Variants in AATK observed in about 807,000 individuals in gnomAD.
AATK encodes the protein lemur tail kinase 1.
In AATK, 91 loss-of-function variants were observed where a neutral mutation model predicts 114.3. That is an observed-to-expected ratio of 0.80 (90% CI 0.67 to 0.95). The LOEUF is 0.95. Among genes scored for constraint, AATK ranks in the 40% least tolerant of loss-of-function variants. AATK has a pLI of 0.00. For missense variants in AATK, 2,176 were observed against 1,965.2 expected (o/e 1.11, Z -2.03); for synonymous variants, 1,075 against 916.5 (o/e 1.17, Z -3.12).
chr17:81,163,621 G>A (rs1351904750), intron 1 of AATK, among the ~76,000 whole-genome samples: 4 of 152,262 alleles, frequency 2.6e-5, no homozygotes, highest in Admixed American at 6.5e-5. Context: ...CAGAGGAGGC[G>A]GCTCTTCCTG....
chr17:81,155,906 T>C (rs570188744), intron 1 of AATK, among the ~76,000 whole-genome samples: 1 of 151,376 alleles, frequency 6.6e-6, no homozygotes, highest in Non-Finnish European at 1.5e-5. Context: ...GGCCTTGAAC[T>C]CCTGGGCTCA....
rs1479445136 is a variant in AATK, at chr17:81,122,601, C to T, written c.1335G>A (p.Ser445=). 9 of 1,431,926 alleles carry T rather than the reference C, an allele frequency of 6.3e-6. No individual in the cohort carries two copies. The East Asian group carries it at 2.3e-4, about 37-fold the overall frequency. 88.7% of individuals were successfully genotyped at this position (1,431,926 alleles called of 1,614,324 possible). A position where few individuals can be genotyped will look rare whatever the true frequency, so the allele number is the denominator to read the frequency against. ...LGGVVELAAA[S]SFPLLEQFAG... ...CGAACTGCTCCAGCAGCGGGAAGGA[C>T]GAGGCAGCGGCGAGCTCCACCACGC... Residue 445 remains serine (S), a synonymous_variant, in exon 11 of 14, where the codon TCG becomes TCA. Coordinates refer to ENST00000326724, the MANE Select transcript of AATK (RefSeq NM_001080395.3).
rs376459772 is a variant in AATK at position 81,117,935 on chromosome 17, CAG to C, written c.*465_*466del. 157 of 155,728 alleles carry C rather than the reference CAG, an allele frequency of 1.0e-3. 1 individual carries two copies. The highest frequency in any genetic ancestry group is 7.2e-3 in the South Asian group (37 of 5,128). The allele number at this position is 155,728 out of a possible 1,614,324, so 9.6% of individuals were successfully genotyped here. A position where few individuals can be genotyped will look rare whatever the true frequency, so the allele number is the denominator to read the frequency against. ...CAGGAACCAGGCAAGGGTGGGGGCA[CAG>C]GGGGTGGGAAGAGGCTCACAAACCT... On this transcript the variant is annotated 3_prime_UTR_variant, in exon 14 of 14. Coordinates refer to ENST00000326724, the MANE Select transcript of AATK (RefSeq NM_001080395.3).
rs562715538 is a variant in AATK at position 81,117,564 on chromosome 17, C to G, written c.*838G>C. On this transcript the variant is annotated 3_prime_UTR_variant, in exon 14 of 14. Transcript: ENST00000326724. Reference sequence around the variant, plus strand: ...CCTCTCCCTGTAGGTAGGAGCCCCCCAACACTGACTGCGGGGCATGGCCCC... The same window carrying G: ...CCTCTCCCTGTAGGTAGGAGCCCCCGAACACTGACTGCGGGGCATGGCCCC... The G allele has an allele frequency of 4.0e-4, 61 of 152,432 alleles. No individual in the cohort carries two copies. Among genetic ancestry groups the G allele is most frequent in the African/African-American group, 1.4e-3 (58 of 41,588 alleles). 9.4% of individuals were successfully genotyped at this position (152,432 alleles called of 1,614,324 possible).
intron 1 of AATK, among the ~76,000 whole-genome samples, chr17:81,148,320 C>T (rs1011529161): frequency 6.6e-6 from 1 of 152,210 alleles, no homozygotes; most frequent in African/African-American, 2.4e-5. Context: ...CTGGGGTCTC[C>T]GTCCACTCTC....
chr17:81,147,191 T>C (rs1403201888), intron 1 of AATK, among the ~76,000 whole-genome samples: 1 of 151,342 alleles, frequency 6.6e-6, no homozygotes, highest in African/African-American at 2.4e-5. Context: ...TGAAACCTTG[T>C]CTCTACTAAA....
intron 4 of AATK, 34 bp from the exon 5 acceptor site, chr17:81,127,944 C>T (rs370191581): frequency 2.2e-5 from 34 of 1,546,310 alleles, no homozygotes; most frequent in African/African-American, 2.2e-4. Flanking sequence ...ACGGCTGCTC[C>T]GCCTCCACCG....
In AATK at chr17:81,124,841, T is replaced by A. The variant is rs1392176107; in HGVS notation, c.848A>T (p.Tyr283Phe). ...CCACAGCTGGTCGGCAGTCACGAAGTAGTCCTCCTGTTGGCACAGGGACGG... is the reference window on the plus strand; with the variant it reads ...CCACAGCTGGTCGGCAGTCACGAAGAAGTCCTCCTGTTGGCACAGGGACGG... The part of the protein sequence containing the change: ...GLAHCKYRED[Y>F]FVTADQLWVP... Residue 283 changes from tyrosine (Y) to phenylalanine (F), a missense_variant, in exon 9 of 14, where the codon TAC becomes TTC. Coordinates refer to ENST00000326724, the MANE Select transcript of AATK (RefSeq NM_001080395.3). The A allele has an allele frequency of 6.2e-7, 1 of 1,609,680 alleles. No homozygotes were observed. Among genetic ancestry groups the A allele is most frequent in the Non-Finnish European group, 8.5e-7 (1 of 1,178,358 alleles).
In AATK at chr17:81,120,535, C is replaced by G. The variant is rs1284261509; in HGVS notation, c.3401G>C (p.Gly1134Ala). 2.0e-6 allele frequency: 3 copies of G among 1,485,046 alleles called. No homozygotes were observed. The African/African-American group carries it at 4.2e-5, about 21-fold the overall frequency. 92.0% of individuals were successfully genotyped at this position (1,485,046 alleles called of 1,614,324 possible). Residue 1134 changes from glycine (G) to alanine (A), a missense_variant, in exon 11 of 14, where the codon GGG (glycine) becomes GCG (alanine). By Grantham distance (60) the Gly-to-Ala change is moderately conservative. Coordinates refer to ENST00000326724, the MANE Select transcript of AATK (RefSeq NM_001080395.3). Reference protein sequence around the residue: ...LSGPAPQKRMGGPGTPRAPLR... With the variant: ...LSGPAPQKRMAGPGTPRAPLR... ...TGGGGCTCTGGGGGTGCCTGGGCCC[C>G]CCATCCGCTTTTGTGGGGCCGGCCC...
rs2060775060 is a variant in AATK, at chr17:81,124,820, A to T, written c.869T>A (p.Leu290Gln). The T allele has an allele frequency of 6.2e-7, 1 of 1,612,216 alleles. No individual in the cohort carries two copies. ...CGCGATCCAGCGCAGAGGCACCCAC[A>T]GCTGGTCGGCAGTCACGAAGTAGTC... ...REDYFVTADQ[L>Q]WVPLRWIAPE... The change falls in exon 9 of 14, where the codon CTG (leucine) becomes CAG (glutamine). Residue 290 changes from leucine (L) to glutamine (Q), a missense_variant. Leu to Gln is a moderately radical substitution (Grantham distance 113, BLOSUM62 -2). This residue lies in a region of AATK where 273 missense variants were observed against 344.1 expected (regional missense o/e 0.79). Coordinates refer to ENST00000326724, the MANE Select transcript of AATK (RefSeq NM_001080395.3).
chr17:81,129,460 G>A (rs564662306), intron 3 of AATK, among the ~76,000 whole-genome samples: 1 of 152,304 alleles, frequency 6.6e-6, no homozygotes, highest in South Asian at 2.1e-4. Context: ...GCAGCAGGCA[G>A]CCGTCCTTCT....
intron 1 of AATK, among the ~76,000 whole-genome samples, chr17:81,149,335 C>T (rs4969407): frequency 0.38 from 58,241 of 151,374 alleles, 11,952 homozygotes; most frequent in South Asian, 0.54. Context: ...CTGGAGTTTC[C>T]CAACCACACA....
intron 1 of AATK, among the ~76,000 whole-genome samples, chr17:81,160,867 G>A (rs1010255345): frequency 5.9e-5 from 9 of 152,192 alleles, no homozygotes; most frequent in Non-Finnish European, 8.8e-5. Flanking sequence ...GCTCACCGCC[G>A]ACACCACATC....
In AATK at chr17:81,127,631, C is replaced by T. The variant is rs1479523875; in HGVS notation, c.573G>A (p.Gln191=). 1 of 1,600,536 alleles carries T rather than the reference C, an allele frequency of 6.2e-7. No homozygotes were observed. The highest frequency in any genetic ancestry group is 1.7e-5 in the Admixed American group (1 of 58,408). ...GCAGGTAGGGCGTCACCTCGGCGCACTGGGCCAGGCACTGGAGCAGGTTGC... is the reference window on the plus strand; with the variant it reads ...GCAGGTAGGGCGTCACCTCGGCGCATTGGGCCAGGCACTGGAGCAGGTTGC... ...KHSNLLQCLA[Q]CAEVTPYLLV... The change falls in exon 6 of 14, where the codon CAG becomes CAA. Residue 191 remains glutamine, a synonymous_variant. Coordinates refer to ENST00000326724, the MANE Select transcript of AATK (RefSeq NM_001080395.3).
Position 81,119,470 on chromosome 17 carries a change from C to CGGGCGTGGGCGCGGGCGT in AATK, c.3993_3994insACGCCCGCGCCCACGCCC (p.Pro1331_Ala1332insThrProAlaProThrPro), listed in dbSNP as rs1555689799. ...GACACCGTGAAGCGCGAGAAGGGAG[C>CGGGCGTGGGCGCGGGCGT]GGGCGTGGGCGTGGGCGCAGCCGGG... is the stretch of plus-strand genomic sequence containing the variant. On this transcript the variant is annotated inframe_insertion, in exon 13 of 14. Transcript: ENST00000326724. 24 of 1,505,602 alleles carry CGGGCGTGGGCGCGGGCGT rather than the reference C, an allele frequency of 1.6e-5. No homozygotes were observed. The highest frequency in any genetic ancestry group is 3.9e-5 in the South Asian group (3 of 76,622). 93.3% of individuals were successfully genotyped at this position (1,505,602 alleles called of 1,614,324 possible).
rs570079140 is a variant in AATK at position 81,149,667 on chromosome 17, G to A, written c.56-15166C>T. ...CCTGGGCTTGGCTCCCATGGCCGTG[G>A]GCTCACAACAGCCCTGGGTGCCTGG... On this transcript the variant is annotated intron_variant, in intron 1 of 13. Transcript: ENST00000326724. Among the ~76,000 whole-genome samples, 9 of 152,186 alleles carry A rather than the reference G, an allele frequency of 5.9e-5. No individual in the cohort carries two copies. In the East Asian group the frequency reaches 1.7e-3, roughly 29 times the overall value.
At chr17:81,159,336 C>T (rs12601429) in intron 1 of AATK, among the ~76,000 whole-genome samples, 3,226 of 152,096 alleles carry the variant, frequency 0.021, 69 homozygotes, top group East Asian at 0.12. Flanking sequence ...AGGGCGCCGG[C>T]GGCCTGCGAG....
chr17:81,139,577 G>A (rs1567818873), intron 1 of AATK, among the ~76,000 whole-genome samples: 1 of 24,032 alleles, frequency 4.2e-5, no homozygotes, highest in Non-Finnish European at 1.4e-4. Context: ...ATGCTGCGCG[G>A]CCCCCAGGCT....
intron 1 of AATK, among the ~76,000 whole-genome samples, chr17:81,139,716 C>A (rs1269654569): frequency 6.6e-6 from 1 of 152,246 alleles, no homozygotes; most frequent in Non-Finnish European, 1.5e-5. Flanking sequence ...GCTGATGCCC[C>A]AGCCCTCCAC....
Sources: gnomAD v4.1 joint callset for allele counts (sites outside exome capture counted in the v4.1 genomes callset) on GRCh38, gnomAD v4.1.1 for gene constraint, gnomAD v4.1.1 regional missense constraint, MANE v1.5 for transcripts, NCBI Gene and HGNC (gene_info 2026-07-23, HGNC 2026-07-21) for gene names.